BAZ2B: variants seen among roughly 807,000 people sequenced by gnomAD.
BAZ2B encodes the protein bromodomain adjacent to zinc finger domain protein 2B.
In BAZ2B, 91 loss-of-function variants were observed where a neutral mutation model predicts 246.0. The observed-to-expected ratio is 0.37, with a 90% CI of 0.31 to 0.44. BAZ2B has a LOEUF of 0.44. Ranked by LOEUF, BAZ2B falls within the 20% of genes least tolerant of loss-of-function variation. BAZ2B has a pLI of 1.00. For synonymous variants in BAZ2B, 855 were observed against 860.0 expected (o/e 0.99, Z 0.10); for missense variants, 2,332 against 2,533.7 (o/e 0.92, Z 1.71).
intron 20 of BAZ2B, among the ~76,000 whole-genome samples, chr2:159,391,829 A>T (rs1163358258): frequency 6.6e-6 from 1 of 152,172 alleles, no homozygotes; most frequent in Non-Finnish European, 1.5e-5. Flanking sequence ...AATCGGTGTG[A>T]CCTTTATCAG....
chr2:159,543,125 T>C (rs939289233), intron 2 of BAZ2B, among the ~76,000 whole-genome samples: 5 of 152,188 alleles, frequency 3.3e-5, no homozygotes, highest in Admixed American at 6.5e-5. Flanking sequence ...CTGGCACATA[T>C]TAATCACTGA....
rs113955094 is a variant in BAZ2B, at chr2:159,608,035, C to G, written c.-46+8207G>C. On this transcript the variant is annotated intron_variant, in intron 1 of 36. Transcript: ENST00000392783. ...CACTGAGTCACTTTACTTTTTCAAA[C>G]AACGTCTAAATTTTCTGTTTTGCTG... is the stretch of plus-strand genomic sequence containing the variant. 4.2e-3 allele frequency among the ~76,000 whole-genome samples: 644 copies of G among 152,280 alleles called. 4 individuals are homozygous for G. Among genetic ancestry groups the G allele is most frequent in the Non-Finnish European group, 7.4e-3 (503 of 68,018 alleles).
chr2:159,574,738 C>A (rs1015928211), intron 1 of BAZ2B, among the ~76,000 whole-genome samples: 3 of 152,106 alleles, frequency 2.0e-5, no homozygotes, highest in Admixed American at 2.0e-4. Flanking sequence ...GTAATCCCGG[C>A]ACTTTGGGAG....
intron 16 of BAZ2B, among the ~76,000 whole-genome samples, chr2:159,403,576 T>C (rs1179043784): frequency 6.6e-6 from 1 of 152,182 alleles, no homozygotes; most frequent in Non-Finnish European, 1.5e-5. Flanking sequence ...ATATACTCTT[T>C]AGTAAATATA....
At chr2:159,363,885 C>G (rs761525289) in intron 27 of BAZ2B, among the ~76,000 whole-genome samples, 1 of 151,976 alleles carries the variant, frequency 6.6e-6, no homozygotes, top group Non-Finnish European at 1.5e-5. Flanking sequence ...CTGGGGAGGA[C>G]GAGGGCTATT....
chr2:159,399,969 CT>C (rs1263647968), intron 17 of BAZ2B, among the ~76,000 whole-genome samples: 1 of 152,164 alleles, frequency 6.6e-6, no homozygotes, highest in Non-Finnish European at 1.5e-5. Context: ...AGAGTAATGC[CT>C]TTGGGCTATT....
intron 9 of BAZ2B, among the ~76,000 whole-genome samples, chr2:159,431,646 A>G (rs1216568124): frequency 2.6e-5 from 4 of 152,196 alleles, no homozygotes; most frequent in Non-Finnish European, 5.9e-5. Flanking sequence ...TTCTATTTAC[A>G]TACAAGACTT....
At chr2:159,398,706 T>A in intron 18 of BAZ2B, 123 bp downstream of exon 18, 1 of 813,870 alleles carries the variant, frequency 1.2e-6, no homozygotes, top group Non-Finnish European at 1.9e-6. Context: ...ACATGTAGTA[T>A]CTGCTAAACA....
At chr2:159,667,386 A>G in the BAZ2B span, among the ~76,000 whole-genome samples, 1 of 152,148 alleles carries the variant, frequency 6.6e-6, no homozygotes, top group South Asian at 2.1e-4. Context: ...ACTTGAGGCC[A>G]GAAGTTTGAG....
chr2:159,397,306 A>G (rs2064179086), intron 19 of BAZ2B, 39 bp downstream of exon 19: 2 of 1,429,192 alleles, frequency 1.4e-6, no homozygotes. Context: ...ATATTATAAA[A>G]TGTACATTCA....
intron 25 of BAZ2B, among the ~76,000 whole-genome samples, chr2:159,377,727 C>T (rs1163444072): frequency 2.7e-5 from 4 of 148,900 alleles, no homozygotes; most frequent in Admixed American, 2.0e-4. Context: ...GCAGGAGAAT[C>T]GCTTGAACCA....
At chr2:159,711,335 C>A in the BAZ2B span, among the ~76,000 whole-genome samples, 1 of 152,162 alleles carries the variant, frequency 6.6e-6, no homozygotes, top group Non-Finnish European at 1.5e-5. Flanking sequence ...CACTTACATG[C>A]CAACTTAAAA....
In BAZ2B at chr2:159,395,819, G is replaced by A. The variant is rs761705661; in HGVS notation, c.3025C>T (p.Arg1009Ter). ...LLKHQERERR[R>*]QHMMLMKAME... is the part of the protein sequence containing the mutation. ...GCTTTCATAAGCATCATGTGTTGTCGCCTTCGCTCTCGTTCCTATTAGGCC... is the reference window on the plus strand; with the variant it reads ...GCTTTCATAAGCATCATGTGTTGTCACCTTCGCTCTCGTTCCTATTAGGCC... Residue 1009 changes from arginine (R) to a stop codon, truncating the protein, a stop_gained, in exon 20 of 37, where the codon CGA (arginine) becomes TGA (stop). Coordinates refer to ENST00000392783, the MANE Select transcript of BAZ2B (RefSeq NM_013450.4). LOFTEE classifies it high-confidence loss of function. 1.9e-6 allele frequency: 3 copies of A among 1,610,956 alleles called. No homozygotes were observed. Among genetic ancestry groups the A allele is most frequent in the East Asian group, 2.2e-5 (1 of 44,744 alleles).
intron 2 of BAZ2B, among the ~76,000 whole-genome samples, chr2:159,518,458 C>T (rs964385889): frequency 9.2e-5 from 14 of 152,118 alleles, no homozygotes; most frequent in African/African-American, 2.7e-4. Context: ...GAGTGAATTC[C>T]CCTGTACTCT....
At chr2:159,642,238 CTT>C in the BAZ2B span, among the ~76,000 whole-genome samples, 23 of 131,694 alleles carry the variant, frequency 1.7e-4, no homozygotes, top group Admixed American at 2.4e-4. Context: ...TTCTTTCTTT[CTT>C]TTTTTTTTTT....
At chr2:159,576,492 T>C (rs950212435) in intron 1 of BAZ2B, among the ~76,000 whole-genome samples, 1 of 151,092 alleles carries the variant, frequency 6.6e-6, no homozygotes, top group Non-Finnish European at 1.5e-5. Flanking sequence ...TTGAACAAAT[T>C]TGAGTTATCA....
At chr2:159,702,419 T>C in the BAZ2B span, among the ~76,000 whole-genome samples, 1 of 152,156 alleles carries the variant, frequency 6.6e-6, no homozygotes, top group East Asian at 1.9e-4. Context: ...TAAAGACAAA[T>C]TTTCATCTGC....
intron 8 of BAZ2B, chr2:159,438,068 G>A: frequency 4.7e-6 from 2 of 424,232 alleles, no homozygotes; most frequent in Non-Finnish European, 8.4e-6. Context: ...TTAGGCATGG[G>A]TTGCAGGGGA....
At chr2:159,662,363 A>T in the BAZ2B span, among the ~76,000 whole-genome samples, 3 of 152,164 alleles carry the variant, frequency 2.0e-5, no homozygotes, top group Admixed American at 6.5e-5. Flanking sequence ...TAAATGTAGA[A>T]TTGTTTGGTT....
Sources: gnomAD v4.1 joint callset for allele counts (sites outside exome capture counted in the v4.1 genomes callset) on GRCh38, gnomAD v4.1.1 for gene constraint, MANE v1.5 for transcripts, NCBI Gene and HGNC (gene_info 2026-07-23, HGNC 2026-07-21) for gene names.